The following ALK variants were observed in gnomAD, a reference collection of about 807,000 sequenced individuals.
ALK encodes ALK tyrosine kinase receptor.
ALK carries 74 observed loss-of-function variants against 163.1 expected under a neutral mutation model. That is an observed-to-expected ratio of 0.45 (90% confidence interval 0.38 to 0.55). The LOEUF (loss-of-function observed/expected upper bound fraction) is 0.55. ALK is among the 20% of genes least tolerant of loss of function. ALK has a pLI of 0.00. For missense variants in ALK, 2,063 were observed against 2,105.3 expected (o/e 0.98, Z 0.39); for synonymous variants, 960 against 843.2 (o/e 1.14, Z -2.40).
intron 11 of ALK, among the ~76,000 whole-genome samples, chr2:29,253,885 TA>T (rs1158882655): frequency 7.0e-6 from 1 of 142,186 alleles, no homozygotes; most frequent in Non-Finnish European, 1.5e-5. Flanking sequence ...GATAGATAGA[TA>T]GATAGATAGG....
At chr2:29,240,856 T>G (rs920942700) in intron 12 of ALK, among the ~76,000 whole-genome samples, 1 of 152,216 alleles carries the variant, frequency 6.6e-6, no homozygotes, top group African/African-American at 2.4e-5. Context: ...CACATCCATG[T>G]GTATTCAGAT....
chr2:29,768,127 G>A (rs1480514950), intron 1 of ALK, among the ~76,000 whole-genome samples: 1 of 152,216 alleles, frequency 6.6e-6, no homozygotes, highest in Non-Finnish European at 1.5e-5. Flanking sequence ...TTAGAGATCT[G>A]ATGACAGCTG....
chr2:29,801,531 G>A (rs1248733229), intron 1 of ALK, among the ~76,000 whole-genome samples: 3 of 152,330 alleles, frequency 2.0e-5, no homozygotes, highest in African/African-American at 7.2e-5. Context: ...ATTGCTGCAC[G>A]ACTTTCAGCC....
chr2:29,394,955 C>T (rs558284011), intron 4 of ALK, among the ~76,000 whole-genome samples: 1 of 151,900 alleles, frequency 6.6e-6, no homozygotes, highest in Admixed American at 6.6e-5. Flanking sequence ...TCTGTGGGAT[C>T]CCTCCTTCAG....
chr2:29,675,660 T>C (rs987887867), intron 3 of ALK, among the ~76,000 whole-genome samples: 40 of 152,072 alleles, frequency 2.6e-4, no homozygotes, highest in African/African-American at 9.2e-4. Flanking sequence ...GCTGCTTACA[T>C]GCTGTATGTC....
In ALK at chr2:29,605,218, C is replaced by T. The variant is rs553952329; in HGVS notation, c.953-73102G>A. 7.2e-5 allele frequency among the ~76,000 whole-genome samples: 11 copies of T among 152,252 alleles called. No homozygotes were observed. The Middle Eastern group carries it at 0.017, about 235-fold the overall frequency. The stretch of plus-strand genomic sequence containing the variant: ...CTAAATCCCCTGAATGTGCGGTGCA[C>T]GATAGGGTTCACGCTTCTATGAGAA... On this transcript the variant is annotated intron_variant, in intron 3 of 28. Transcript: ENST00000389048.
chr2:29,677,416 G>A (rs983804494), intron 3 of ALK, among the ~76,000 whole-genome samples: 32 of 151,866 alleles, frequency 2.1e-4, no homozygotes, highest in African/African-American at 7.5e-4. Context: ...TTAGGTATGG[G>A]TATTTCACAG....
rs892375086 is a variant in ALK at position 29,713,665 on chromosome 2, C to A, written c.787+3913G>T. Among the ~76,000 whole-genome samples the A allele has an allele frequency of 2.6e-5, 4 of 152,248 alleles. 1 individual carries two copies. The highest frequency in any genetic ancestry group is 6.5e-5 in the Admixed American group (1 of 15,284). On this transcript the variant is annotated intron_variant, in intron 2 of 28. Transcript: ENST00000389048. ...CACAGAGAGTCAGAAAGTCCAGGTT[C>A]ATTCTTTTCTAATGGCTCACCTACT...
rs141721900 is a variant in ALK, at chr2:29,278,532, C to T, written c.1818-3036G>A. ...ACAAATCTTGGCAAGGTTATAGCCA[C>T]GATTTCCGTGGGGTCTCCCCATGGG... On this transcript the variant is annotated intron_variant, in intron 9 of 28. Transcript: ENST00000389048. Among the ~76,000 whole-genome samples, 561 of 152,298 alleles carry T rather than the reference C, an allele frequency of 3.7e-3. 5 individuals are homozygous for T. The highest frequency in any genetic ancestry group is 0.024 in the Middle Eastern group (7 of 292).
intron 3 of ALK, among the ~76,000 whole-genome samples, chr2:29,638,666 C>T (rs1463663174): frequency 6.6e-6 from 1 of 152,104 alleles, no homozygotes; most frequent in African/African-American, 2.4e-5. Flanking sequence ...CTCCTTATCT[C>T]ACCCATGGAG....
intron 1 of ALK, among the ~76,000 whole-genome samples, chr2:29,869,873 TA>T (rs1666533349): frequency 6.6e-6 from 1 of 152,186 alleles, no homozygotes; most frequent in African/African-American, 2.4e-5. Context: ...ATTAAGATCC[TA>T]ATTGATTAAT....
chr2:29,431,145 A>G (rs757295482), intron 4 of ALK, among the ~76,000 whole-genome samples: 23 of 152,286 alleles, frequency 1.5e-4, no homozygotes, highest in Non-Finnish European at 2.9e-4. Flanking sequence ...AAGCTACCTG[A>G]AAGTAAAGGA....
intron 3 of ALK, among the ~76,000 whole-genome samples, chr2:29,583,628 GCCCT>G (rs949059354): frequency 5.3e-5 from 8 of 151,896 alleles, no homozygotes; most frequent in African/African-American, 1.9e-4. Flanking sequence ...CCCTGCTTCT[GCCCT>G]CCCTAAGAGA....
chr2:29,252,007 C>T (rs1664827074), intron 11 of ALK, among the ~76,000 whole-genome samples: 1 of 152,172 alleles, frequency 6.6e-6, no homozygotes, highest in Non-Finnish European at 1.5e-5. Flanking sequence ...TCAGGCTCTC[C>T]AAGCAACAGA....
At chr2:29,838,247 T>C (rs947946708) in intron 1 of ALK, among the ~76,000 whole-genome samples, 7 of 152,156 alleles carry the variant, frequency 4.6e-5, no homozygotes, top group African/African-American at 1.2e-4. Flanking sequence ...CAGTGTAGCA[T>C]ACATGTAATT....
At chr2:29,889,458 C>T (rs1349850880) in intron 1 of ALK, among the ~76,000 whole-genome samples, 27 of 151,694 alleles carry the variant, frequency 1.8e-4, no homozygotes, top group Admixed American at 6.6e-5. Context: ...ATTATCATTC[C>T]CACAGGATCT....
intron 8 of ALK, among the ~76,000 whole-genome samples, chr2:29,299,393 G>C (rs1273654039): frequency 6.6e-6 from 1 of 152,122 alleles, no homozygotes; most frequent in Non-Finnish European, 1.5e-5. Flanking sequence ...ACAAATATTT[G>C]TTAAGCACTT....
rs147954073 is a variant in ALK, at chr2:29,844,363, G to T, written c.667+75630C>A. 3.4e-3 allele frequency among the ~76,000 whole-genome samples: 518 copies of T among 152,232 alleles called. 2 individuals are homozygous for T. The highest frequency in any genetic ancestry group is 6.9e-3 in the Admixed American group (105 of 15,290). ...GGAGCAGGTGCAGATCATGTACCTC[G>T]TGTGCCATTTTAGGGAATATTTTAC... On this transcript the variant is annotated intron_variant, in intron 1 of 28. Coordinates refer to ENST00000389048, the MANE Select transcript of ALK (RefSeq NM_004304.5).
chr2:29,640,175 T>C (rs1248934854), intron 3 of ALK, among the ~76,000 whole-genome samples: 1 of 152,174 alleles, frequency 6.6e-6, no homozygotes, highest in East Asian at 1.9e-4. Context: ...CAAACATTCA[T>C]CTCCTCAGTA....
Sources: allele counts gnomAD v4.1 joint callset (sites outside exome capture counted in the v4.1 genomes callset), GRCh38; gene constraint gnomAD v4.1.1; transcripts MANE v1.5; gene names NCBI Gene and HGNC (gene_info 2026-07-23, HGNC 2026-07-21).